Variants in SLC44A1 observed in about 807,000 individuals in gnomAD.
SLC44A1 encodes solute carrier family 44 member 1.
In SLC44A1, 26 loss-of-function variants were observed where a neutral mutation model predicts 79.3. That is an observed-to-expected ratio of 0.33 (90% CI 0.24 to 0.46). The LOEUF is 0.46. SLC44A1 is among the 20% of genes least tolerant of loss of function. The pLI, the probability that SLC44A1 is intolerant of heterozygous loss-of-function variation, is 1.00. For missense variants in SLC44A1, 688 were observed against 798.1 expected (o/e 0.86, Z 1.66); for synonymous variants, 263 against 286.2 (o/e 0.92, Z 0.82).
intron 1 of SLC44A1, among the ~76,000 whole-genome samples, chr9:105,289,848 C>T (rs1193061445): frequency 1.4e-5 from 2 of 147,454 alleles, no homozygotes; most frequent in Admixed American, 1.4e-4. Context: ...GAATTTTGCT[C>T]TGTTGCCCAG....
chr9:105,251,492 A>G (rs1162663155), intron 1 of SLC44A1, among the ~76,000 whole-genome samples: 1 of 152,028 alleles, frequency 6.6e-6, no homozygotes, highest in African/African-American at 2.4e-5. Context: ...ATCCCAAGCT[A>G]ATTGTGTTCC....
At chr9:105,332,827 G>T (rs1430903985) in intron 3 of SLC44A1, among the ~76,000 whole-genome samples, 2 of 152,194 alleles carry the variant, frequency 1.3e-5, no homozygotes, top group African/African-American at 4.8e-5. Context: ...TGTATGGAAA[G>T]CAAATAGTAT....
chr9:105,416,127 C>G (rs1464848765), intron 15 of SLC44A1, among the ~76,000 whole-genome samples: 1 of 151,880 alleles, frequency 6.6e-6, no homozygotes, highest in Non-Finnish European at 1.5e-5. Context: ...GAACTCCTGA[C>G]CTCAAAAGAT....
At chr9:105,367,351 C>G (rs898439228) in intron 12 of SLC44A1, among the ~76,000 whole-genome samples, 1 of 152,028 alleles carries the variant, frequency 6.6e-6, no homozygotes, top group South Asian at 2.1e-4. Context: ...TTATTGGGTT[C>G]TATGGTTAAT....
chr9:105,365,756 C>T, intron 11 of SLC44A1, 117 bp downstream of exon 11: 1 of 1,087,440 alleles, frequency 9.2e-7, no homozygotes, highest in Admixed American at 2.1e-5. Context: ...AAAGTCTTTA[C>T]AAGGCAAAAT....
downstream of SLC44A1, among the ~76,000 whole-genome samples, chr9:105,399,000 T>C (rs112613089): frequency 0.046 from 7,018 of 152,306 alleles, 514 homozygotes; most frequent in African/African-American, 0.16. Context: ...TCAGGCTGCA[T>C]TCAAAGCTGT....
intron 3 of SLC44A1, among the ~76,000 whole-genome samples, chr9:105,324,102 C>T (rs137868046): frequency 7.9e-5 from 12 of 151,432 alleles, no homozygotes; most frequent in South Asian, 2.1e-4. Context: ...CCCGGATTCA[C>T]GCCATTCTCC....
At chr9:105,398,937 G>GA (rs1454717756), downstream of SLC44A1, among the ~76,000 whole-genome samples, 9 of 151,506 alleles carry the variant, frequency 5.9e-5, no homozygotes, top group Non-Finnish European at 4.4e-5. Context: ...GATAAGCTAA[G>GA]AAAAAAAAAT....
chr9:105,372,570 G>A (rs991600351), intron 12 of SLC44A1, among the ~76,000 whole-genome samples: 4 of 151,738 alleles, frequency 2.6e-5, no homozygotes, highest in African/African-American at 4.8e-5. Context: ...GATTACAAGC[G>A]TGAGCCACCA....
rs1296366594 is a variant in SLC44A1, at chr9:105,374,853, TAGAA to T, written c.1632+121_1632+124del. 1.3e-5 allele frequency: 9 copies of T among 711,882 alleles called. No homozygotes were observed. In the East Asian group the frequency reaches 2.1e-4, roughly 17 times the overall value. The allele number at this position is 711,882 out of a possible 1,614,324, so 44.1% of individuals were successfully genotyped here. ...CTAAAAGTAATATATAGCGAGTACT[TAGAA>T]AGCCCTTACTGTGTGTCCAGCATTG... On this transcript the variant is annotated intron_variant, in intron 13 of 15. Coordinates refer to ENST00000374720, the MANE Select transcript of SLC44A1 (RefSeq NM_080546.5).
chr9:105,313,425 C>T (rs1831232744), intron 3 of SLC44A1, among the ~76,000 whole-genome samples: 1 of 152,092 alleles, frequency 6.6e-6, no homozygotes, highest in Admixed American at 6.6e-5. Flanking sequence ...GGTCTTCAGC[C>T]ACAGAGTCTC....
chr9:105,253,913 T>C (rs390336), intron 1 of SLC44A1, among the ~76,000 whole-genome samples: 33,213 of 151,968 alleles, frequency 0.22, 6,560 homozygotes, highest in African/African-American at 0.53. Context: ...TTAGTAGAGA[T>C]GAGGTTTCTA....
At chr9:105,431,948 G>A (rs1464313033) in intron 15 of SLC44A1, among the ~76,000 whole-genome samples, 1 of 152,080 alleles carries the variant, frequency 6.6e-6, no homozygotes, top group East Asian at 1.9e-4. Flanking sequence ...ATTGAGACAG[G>A]GTCTCACTCT....
chr9:105,323,522 A>G (rs1281931362), intron 3 of SLC44A1, among the ~76,000 whole-genome samples: 1 of 152,202 alleles, frequency 6.6e-6, no homozygotes, highest in East Asian at 1.9e-4. Context: ...TAAAGATCAT[A>G]AATCATGTAT....
intron 13 of SLC44A1, among the ~76,000 whole-genome samples, chr9:105,375,791 CTGAG>C (rs1564466914): frequency 6.6e-6 from 1 of 152,140 alleles, no homozygotes; most frequent in South Asian, 2.1e-4. Context: ...TTCATTGTAT[CTGAG>C]TATTAAACCA....
intron 13 of SLC44A1, among the ~76,000 whole-genome samples, chr9:105,375,909 T>TA (rs1334706163): frequency 6.6e-6 from 1 of 152,166 alleles, no homozygotes; most frequent in Non-Finnish European, 1.5e-5. Context: ...CATTTTTTTT[T>TA]ATCGGCTTGT....
chr9:105,288,949 C>T (rs961141845), intron 1 of SLC44A1, among the ~76,000 whole-genome samples: 3 of 152,186 alleles, frequency 2.0e-5, no homozygotes, highest in African/African-American at 7.2e-5. Context: ...GACTGGACTT[C>T]GTTAACCCGC....
At chr9:105,245,320 G>C (rs912479592) in intron 1 of SLC44A1, among the ~76,000 whole-genome samples, 2 of 152,192 alleles carry the variant, frequency 1.3e-5, no homozygotes, top group Admixed American at 6.5e-5. Context: ...GCCATCCGCC[G>C]CCCGTTTTCT....
intron 2 of SLC44A1, among the ~76,000 whole-genome samples, chr9:105,304,781 T>A (rs1830973285): frequency 6.6e-6 from 1 of 151,976 alleles, no homozygotes; most frequent in Admixed American, 6.6e-5. Flanking sequence ...TCTGTGTTCT[T>A]TTCATTGTTT....
Sources: allele counts gnomAD v4.1 joint callset (sites outside exome capture counted in the v4.1 genomes callset), GRCh38; gene constraint gnomAD v4.1.1; transcripts MANE v1.5; gene names NCBI Gene and HGNC (gene_info 2026-07-23, HGNC 2026-07-21).